PPP1R3F: variants seen among roughly 807,000 people sequenced by gnomAD.
PPP1R3F encodes the protein protein phosphatase 1, regulatory (inhibitor) subunit 3F.
Under a neutral mutation model 24.2 loss-of-function variants are expected in PPP1R3F, and 29 were observed. The observed-to-expected ratio is 1.20, with a 90% CI of 0.89 to 1.63. PPP1R3F has a LOEUF of 1.63. Among genes scored for constraint, PPP1R3F ranks in the 40% most tolerant of loss-of-function variants. The probability of loss-of-function intolerance (pLI) is 0.00; values close to 1 mark genes in which losing one functional copy is unlikely to be tolerated. For missense variants in PPP1R3F, 823 were observed against 729.3 expected (o/e 1.13, Z -1.48); for synonymous variants, 363 against 340.1 (o/e 1.07, Z -0.74).
chrX:49,273,221 G>GC (rs1433664157), intron 1 of PPP1R3F: 1 of 110,971 alleles, frequency 9.0e-6, no homozygotes, highest in Non-Finnish European at 1.9e-5. Context: ...ATCCCCGCCG[G>GC]CTGTCATGGG....
intron 3 of PPP1R3F, among the ~76,000 whole-genome samples, chrX:49,301,133 C>T (rs2066336187): frequency 8.9e-6 from 1 of 112,352 alleles, no homozygotes; most frequent in African/African-American, 3.2e-5. Context: ...AAAGGAGGTA[C>T]TTGATGTATA....
Position 49,270,611 on chromosome X carries a change from C to T in PPP1R3F, c.742C>T (p.Pro248Ser). ...CACCGACCGCTTTGCCTTCCAGCTG[C>T]CCTTTGCTGAGGGCGCGGGCGATGG... ...GRTDRFAFQL[P>S]FAEGAGDGAR... Residue 248 changes from proline (P) to serine (S), a missense_variant, in exon 1 of 4, where the codon CCC (proline) becomes TCC (serine). Coordinates refer to ENST00000055335, the MANE Select transcript of PPP1R3F (RefSeq NM_033215.5). 8.3e-7 allele frequency: 1 copy of T among 1,206,128 alleles called. No individual in the cohort carries two copies.
chrX:49,297,828 C>CTTTTTTTTTTTTTTTTTTTTTTTT, intron 3 of PPP1R3F, among the ~76,000 whole-genome samples: 1 of 19,598 alleles, frequency 5.1e-5, no homozygotes, highest in Non-Finnish European at 7.4e-5. Flanking sequence ...GCAACCCCTG[C>CTTTTTTTTTTTTTTTTTTTTTTTT]TTTTTTTTTT....
Position 49,286,237 on chromosome X carries a change from CAGA to C in PPP1R3F, c.1548_1550del (p.Asp517del), listed in dbSNP as rs2066282587. The C allele has an allele frequency of 1.7e-6, 2 of 1,208,661 alleles. No individual in the cohort carries two copies. The highest frequency in any genetic ancestry group is 2.2e-6 in the Non-Finnish European group (2 of 894,619). ...GCAGGGGGTGGTGGGGAGGGCTCCACAGATGGAGGGATGTCCCCCAGCCATCCC... is the reference window on the plus strand; with the variant it reads ...GCAGGGGGTGGTGGGGAGGGCTCCACTGGAGGGATGTCCCCCAGCCATCCC... On this transcript the variant is annotated inframe_deletion, in exon 4 of 4. Coordinates refer to ENST00000055335, the MANE Select transcript of PPP1R3F (RefSeq NM_033215.5).
At chrX:49,300,477 GTTTTTTT>G (rs35140303) in intron 3 of PPP1R3F, among the ~76,000 whole-genome samples, 3 of 70,390 alleles carry the variant, frequency 4.3e-5, no homozygotes, top group Non-Finnish European at 7.2e-5. Context: ...TATTGCTGCT[GTTTTTTT>G]TTTTTTTTTT....
At position 49,287,410 on chromosome X, in the gene PPP1R3F, A is replaced by G. The variant is rs2066294281; in HGVS notation, c.*320A>G. 1.2e-5 allele frequency: 3 copies of G among 255,762 alleles called. No homozygotes were observed. In the East Asian group the frequency reaches 2.3e-4, roughly 19 times the overall value. 21.1% of individuals were successfully genotyped at this position (255,762 alleles called of 1,213,427 possible). On this transcript the variant is annotated 3_prime_UTR_variant, in exon 4 of 4. Transcript: ENST00000055335. ...TCTTGGGGCACAATTACCCAGAGAT[A>G]TATTTATTAACAGCCAACCTGTGCA...
intron 3 of PPP1R3F, among the ~76,000 whole-genome samples, chrX:49,299,264 C>T (rs1475503493): frequency 1.8e-5 from 2 of 112,231 alleles, no homozygotes; most frequent in African/African-American, 6.5e-5. Flanking sequence ...CAGTCAGGCC[C>T]CTCTGCTGCA....
intron 1 of PPP1R3F, among the ~76,000 whole-genome samples, chrX:49,272,182 G>C (rs1483022389): frequency 1.8e-5 from 2 of 112,194 alleles, no homozygotes; most frequent in Non-Finnish European, 3.8e-5. Flanking sequence ...GAAAGGTCTA[G>C]CTCCGGTCTG....
intron 3 of PPP1R3F, among the ~76,000 whole-genome samples, chrX:49,295,725 A>G (rs1380180139): frequency 9.0e-6 from 1 of 110,624 alleles, no homozygotes; most frequent in Non-Finnish European, 1.9e-5. Context: ...GTTTGACACA[A>G]TTTGCCAGTG....
chrX:49,286,443 G>A lies in PPP1R3F; in HGVS notation c.1753G>A (p.Val585Ile), dbSNP rs781810830. 1.3e-5 allele frequency: 16 copies of A among 1,194,855 alleles called. No individual in the cohort carries two copies. Among genetic ancestry groups the A allele is most frequent in the African/African-American group, 1.8e-5 (1 of 57,104 alleles). Residue 585 changes from valine to isoleucine, a missense_variant, in exon 4 of 4, where the codon GTC becomes ATC. Coordinates refer to ENST00000055335, the MANE Select transcript of PPP1R3F (RefSeq NM_033215.5). ...DEGEGEEGLS[V>I]TPSSPEGDSP... ...AGGGGAGGGTGAAGAGGGGCTCTCT[G>A]TCACACCCTCCAGCCCAGAAGGGGA...
At chrX:49,278,658 G>A (rs1274656158) in intron 1 of PPP1R3F, among the ~76,000 whole-genome samples, 3 of 112,225 alleles carry the variant, frequency 2.7e-5, no homozygotes, top group Admixed American at 9.4e-5. Context: ...CTCTAGATCC[G>A]TATATATGGT....
Position 49,270,877 on chromosome X carries a change from A to G in PPP1R3F, c.1004+4A>G. 1 of 1,169,016 alleles carries G rather than the reference A, an allele frequency of 8.6e-7. No homozygotes were observed. The highest frequency in any genetic ancestry group is 1.1e-6 in the Non-Finnish European group (1 of 873,717). On this transcript the variant is annotated splice_donor_region_variant and intron_variant, in intron 1 of 3. Transcript: ENST00000055335. ...GCATGAAGCCGGTGAGGCGCAGGTA[A>G]TGTCAGCCAGCGCCACCTCCGCCAA...
intron 1 of PPP1R3F, among the ~76,000 whole-genome samples, chrX:49,272,503 G>GT (rs2066186408): frequency 8.9e-6 from 1 of 112,540 alleles, no homozygotes; most frequent in Admixed American, 9.4e-5. Context: ...GCTCAAAGTA[G>GT]TATCATACAG....
Position 49,270,376 on chromosome X carries a change from C to T in PPP1R3F, c.507C>T (p.Arg169=), listed in dbSNP as rs1373781677. 2 of 1,159,181 alleles carry T rather than the reference C, an allele frequency of 1.7e-6. No individual in the cohort carries two copies. Among genetic ancestry groups the T allele is most frequent in the Admixed American group, 5.1e-5 (2 of 39,478 alleles). ...GRPPVLRGLV[R]VLNRSFEKAV... is the part of the protein sequence containing the mutation. ...CGCCGGTGCTGCGCGGGTTGGTACG[C>T]GTGCTGAACCGCTCCTTCGAGAAGG... The change falls in exon 1 of 4, where the codon CGC becomes CGT. Residue 169 remains arginine (R), a synonymous_variant. Transcript: ENST00000055335.
chrX:49,292,270 T>C (rs971190414), downstream of PPP1R3F, among the ~76,000 whole-genome samples: 5 of 111,989 alleles, frequency 4.5e-5, no homozygotes, highest in Non-Finnish European at 7.5e-5. Flanking sequence ...TACAGATGAC[T>C]CTCCTCCTCC....
At chrX:49,298,852 A>G (rs2066330155) in intron 3 of PPP1R3F, among the ~76,000 whole-genome samples, 1 of 110,387 alleles carries the variant, frequency 9.1e-6, no homozygotes, top group South Asian at 3.8e-4. Flanking sequence ...TTTCAGCTCT[A>G]TCTGGTCGTT....
chrX:49,269,847 T>A lies in PPP1R3F; in HGVS notation c.-23T>A. 4.6e-6 allele frequency: 4 copies of A among 875,934 alleles called. No individual in the cohort carries two copies. Among genetic ancestry groups the A allele is most frequent in the Non-Finnish European group, 5.6e-6 (4 of 714,455 alleles). The allele number at this position is 875,934 out of a possible 1,213,427, so 72.2% of individuals were successfully genotyped here. ...CCCGCCGGTCCCGCCGCCGGTGCCG[T>A]CGGTGCCGCCGCCGCCGCCGATATG... On this transcript the variant is annotated 5_prime_UTR_variant, in exon 1 of 4. Coordinates refer to ENST00000055335, the MANE Select transcript of PPP1R3F (RefSeq NM_033215.5).
At chrX:49,283,094 G>C (rs1557120917) in intron 3 of PPP1R3F, among the ~76,000 whole-genome samples, 1 of 109,259 alleles carries the variant, frequency 9.2e-6, no homozygotes, top group Admixed American at 9.8e-5. Context: ...ATGAACCTAC[G>C]TACACCATCC....
chrX:49,292,854 G>A (rs782381630), downstream of PPP1R3F, among the ~76,000 whole-genome samples: 6 of 112,016 alleles, frequency 5.4e-5, no homozygotes, highest in Non-Finnish European at 9.4e-5. Flanking sequence ...CACCCCCAAC[G>A]TGCAGGGGAT....
Sources: gnomAD v4.1 joint callset for allele counts (sites outside exome capture counted in the v4.1 genomes callset) on GRCh38, gnomAD v4.1.1 for gene constraint, MANE v1.5 for transcripts, NCBI Gene and HGNC (gene_info 2026-07-23, HGNC 2026-07-21) for gene names.